NPAS3: variants seen among roughly 807,000 people sequenced by gnomAD.
The protein encoded by NPAS3 is neuronal PAS domain-containing protein 3.
NPAS3 carries 14 observed loss-of-function variants against 73.1 expected under a neutral mutation model. That is an observed-to-expected ratio of 0.19 (90% CI 0.13 to 0.30). The LOEUF is 0.30. Ranked by LOEUF, NPAS3 falls within the 10% of genes least tolerant of loss-of-function variation. The probability of loss-of-function intolerance (pLI) is 1.00; values close to 1 mark genes in which losing one functional copy is unlikely to be tolerated. For missense variants in NPAS3, 1,096 were observed against 1,250.0 expected, an observed-to-expected ratio of 0.88 and a Z score of 1.86; for synonymous variants, 620 against 541.5, an observed-to-expected ratio of 1.14 and a Z score of -2.01.
intron 6 of NPAS3, among the ~76,000 whole-genome samples, chr14:33,732,740 C>G (rs189022831): frequency 7.0e-4 from 107 of 152,282 alleles, no homozygotes; most frequent in African/African-American, 2.4e-3. Flanking sequence ...CCCGCTTACA[C>G]CGGTTGTCCT....
intron 3 of NPAS3, among the ~76,000 whole-genome samples, chr14:33,283,507 A>G (rs1275439575): frequency 6.6e-6 from 1 of 152,220 alleles, no homozygotes; most frequent in Non-Finnish European, 1.5e-5. Context: ...AAACATACAC[A>G]CAAATGACAC....
intron 5 of NPAS3, among the ~76,000 whole-genome samples, chr14:33,669,873 C>A (rs951172319): frequency 6.6e-6 from 1 of 152,116 alleles, no homozygotes; most frequent in African/African-American, 2.4e-5. Flanking sequence ...TATGCAGTAT[C>A]TCTTGTTTTT....
At chr14:33,534,531 T>C (rs2140200692) in intron 4 of NPAS3, among the ~76,000 whole-genome samples, 1 of 152,302 alleles carries the variant, frequency 6.6e-6, no homozygotes, top group East Asian at 1.9e-4. Flanking sequence ...TTTCAAGTCA[T>C]AGAAATGGCT....
intron 4 of NPAS3, among the ~76,000 whole-genome samples, chr14:33,546,413 A>G (rs1051934616): frequency 6.6e-6 from 1 of 152,144 alleles, no homozygotes; most frequent in African/African-American, 2.4e-5. Context: ...AAACTTCCTA[A>G]TATACTATAA....
chr14:32,946,465 A>T (rs566292476), intron 1 of NPAS3, among the ~76,000 whole-genome samples: 2 of 152,024 alleles, frequency 1.3e-5, no homozygotes, highest in Non-Finnish European at 2.9e-5. Context: ...TTGGTCTGAT[A>T]CATAACAGTT....
chr14:33,695,769 GAACA>G (rs1009477656), intron 6 of NPAS3, among the ~76,000 whole-genome samples: 11 of 152,096 alleles, frequency 7.2e-5, no homozygotes, highest in Non-Finnish European at 1.0e-4. Context: ...ACAAAAGAAA[GAACA>G]AATAAAAGGA....
chr14:32,943,697 T>TC (rs1422735834), intron 1 of NPAS3, among the ~76,000 whole-genome samples: 1 of 149,500 alleles, frequency 6.7e-6, no homozygotes, highest in South Asian at 2.1e-4. Flanking sequence ...CTTTTTCTTT[T>TC]TTTTTTTTTT....
At chr14:33,627,698 T>C (rs1298268780) in intron 5 of NPAS3, among the ~76,000 whole-genome samples, 1 of 152,210 alleles carries the variant, frequency 6.6e-6, no homozygotes. Flanking sequence ...GGTAAAAACA[T>C]ATTAGAAAGA....
intron 7 of NPAS3, among the ~76,000 whole-genome samples, chr14:33,754,558 A>G (rs1046172435): frequency 2.0e-5 from 3 of 152,132 alleles, no homozygotes; most frequent in African/African-American, 7.2e-5. Context: ...CATGGCTTCA[A>G]TGGAATGTGC....
At chr14:33,016,919 G>A (rs1033859970) in intron 1 of NPAS3, among the ~76,000 whole-genome samples, 25 of 152,112 alleles carry the variant, frequency 1.6e-4, no homozygotes, top group Non-Finnish European at 1.2e-4. Context: ...GATGACTACA[G>A]AGAAAGAAAC....
At chr14:33,509,561 A>G (rs947430728) in intron 4 of NPAS3, among the ~76,000 whole-genome samples, 2 of 152,008 alleles carry the variant, frequency 1.3e-5, no homozygotes, top group Non-Finnish European at 2.9e-5. Flanking sequence ...GGATTTTCTG[A>G]CCTAGAGATT....
chr14:33,054,613 AGTT>A (rs1461879286), intron 1 of NPAS3, among the ~76,000 whole-genome samples: 20 of 67,724 alleles, frequency 3.0e-4, no homozygotes, highest in African/African-American at 1.6e-3. Flanking sequence ...AACTTATCTG[AGTT>A]TTTTTTTTTT....
intron 1 of NPAS3, among the ~76,000 whole-genome samples, chr14:32,978,113 G>GA (rs981726672): frequency 1.1e-5 from 1 of 90,784 alleles, no homozygotes; most frequent in African/African-American, 5.5e-5. Flanking sequence ...GTGAAGATGT[G>GA]GGGGGGTGAG....
chr14:33,762,436 A>G (rs8020007), intron 7 of NPAS3, among the ~76,000 whole-genome samples: 1,767 of 152,292 alleles, frequency 0.012, 40 homozygotes, highest in African/African-American at 0.04. Flanking sequence ...TTAAAATAAA[A>G]AGGGGGAGGG....
intron 5 of NPAS3, among the ~76,000 whole-genome samples, chr14:33,628,972 C>G (rs1045687451): frequency 6.6e-6 from 1 of 152,192 alleles, no homozygotes; most frequent in African/African-American, 2.4e-5. Context: ...TGGCTCACGC[C>G]TGTAATCCCA....
At chr14:33,677,152 G>A (rs998452057) in intron 6 of NPAS3, among the ~76,000 whole-genome samples, 3 of 152,148 alleles carry the variant, frequency 2.0e-5, no homozygotes, top group African/African-American at 4.8e-5. Flanking sequence ...TTGGCTGGTC[G>A]GCCTGGGTCT....
intron 1 of NPAS3, among the ~76,000 whole-genome samples, chr14:32,971,751 T>G (rs1225270124): frequency 2.0e-5 from 3 of 152,086 alleles, no homozygotes; most frequent in Non-Finnish European, 4.4e-5. Flanking sequence ...TGCAATGTAT[T>G]CATATTGTAA....
At chr14:33,471,829 G>T (rs953803779) in intron 4 of NPAS3, among the ~76,000 whole-genome samples, 6 of 152,326 alleles carry the variant, frequency 3.9e-5, no homozygotes, top group African/African-American at 1.4e-4. Flanking sequence ...CAGCAGGCAA[G>T]CGGCGAGCGA....
At chr14:33,277,895 T>A (rs1165053591) in intron 3 of NPAS3, among the ~76,000 whole-genome samples, 2 of 152,034 alleles carry the variant, frequency 1.3e-5, no homozygotes, top group Admixed American at 1.3e-4. Context: ...CACTAGTTGT[T>A]GTGTAGACAG....
Sources: allele counts gnomAD v4.1 joint callset (sites outside exome capture counted in the v4.1 genomes callset), GRCh38; gene constraint gnomAD v4.1.1; transcripts MANE v1.5; gene names NCBI Gene and HGNC (gene_info 2026-07-23, HGNC 2026-07-21).